Variants in WASHC2C observed in about 807,000 individuals in gnomAD.
WASHC2C encodes Vaccinia Penetration Factor.
A neutral mutation model predicts 142.2 loss-of-function variants in WASHC2C; 73 were observed. The observed-to-expected ratio is 0.51, with a 90% CI of 0.43 to 0.62. The LOEUF (loss-of-function observed/expected upper bound fraction) is 0.62, where lower values mean the gene tolerates loss of function less well. Among genes scored for constraint, WASHC2C ranks in the 20% least tolerant of loss-of-function variants. The pLI is 0.00. For missense variants in WASHC2C, 969 were observed against 1,531.7 expected (o/e 0.63, Z 6.13); for synonymous variants, 337 against 565.5 (o/e 0.60, Z 5.73).
intron 11 of WASHC2C, among the ~76,000 whole-genome samples, 196 bp from the exon 12 acceptor site, chr10:45,752,392 C>G (rs2053713353): frequency 6.6e-6 from 1 of 152,272 alleles, no homozygotes; most frequent in African/African-American, 2.4e-5. Flanking sequence ...GAGTGGAGGC[C>G]CAGAGAGTCT....
At chr10:45,735,308 C>A (rs2051081291) in intron 3 of WASHC2C, among the ~76,000 whole-genome samples, 1 of 150,842 alleles carries the variant, frequency 6.6e-6, no homozygotes, top group African/African-American at 2.4e-5. Flanking sequence ...CGGCTCACTG[C>A]AACCTCTGCC....
chr10:45,739,489 T>C (rs1395486438), intron 4 of WASHC2C, among the ~76,000 whole-genome samples: 2 of 151,862 alleles, frequency 1.3e-5, no homozygotes, highest in African/African-American at 2.4e-5. Flanking sequence ...GTTGGTGATA[T>C]GAACAAACCT....
At chr10:45,736,535 G>A (rs551450154) in intron 3 of WASHC2C, among the ~76,000 whole-genome samples, 38 of 151,762 alleles carry the variant, frequency 2.5e-4, no homozygotes, top group Admixed American at 1.6e-3. Flanking sequence ...GGGAGGTGGC[G>A]GTTGCAGTGA....
chr10:45,784,293 CAT>C (rs1286811903), intron 23 of WASHC2C, among the ~76,000 whole-genome samples: 17 of 63,660 alleles, frequency 2.7e-4, no homozygotes, highest in African/African-American at 3.6e-4. Context: ...TATATATACA[CAT>C]ATATATATAT....
At chr10:45,733,227 A>T (rs1416218492) in intron 3 of WASHC2C, among the ~76,000 whole-genome samples, 1 of 152,212 alleles carries the variant, frequency 6.6e-6, no homozygotes, top group Non-Finnish European at 1.5e-5. Context: ...TATTGATGGG[A>T]TTTGATGAGT....
At position 45,759,033 on chromosome 10, in the gene WASHC2C, G is replaced by A. The variant is rs1316627206; in HGVS notation, c.1549-282G>A. Among the ~76,000 whole-genome samples, 5 of 148,272 alleles carry A rather than the reference G, an allele frequency of 3.4e-5. No homozygotes were observed. In the South Asian group the frequency reaches 6.5e-4, roughly 19 times the overall value. ...CCAGCATTCAGAACCTGTCAGGCCC[G>A]TCAGGCAGCCTGTCTTTCCATGCTG... On this transcript the variant is annotated intron_variant, in intron 16 of 30. Coordinates refer to ENST00000623400, the MANE Select transcript of WASHC2C (RefSeq NM_001330074.2).
chr10:45,789,456 C>G lies in WASHC2C; in HGVS notation c.3673C>G (p.Gln1225Glu). ...GAATGAGACAAAATCCAGTAGTCAG[C>G]AGGATGTCATATTAACAACACAAGA... ...KKNETKSSSQ[Q>E]DVILTTQDIF... Residue 1225 changes from glutamine to glutamate, a missense_variant, in exon 29 of 31, where the codon CAG becomes GAG. Physicochemically the swap from Gln to Glu is conservative, Grantham distance 29. Transcript: ENST00000623400. 9.3e-6 allele frequency: 15 copies of G among 1,612,038 alleles called. No homozygotes were observed. The highest frequency in any genetic ancestry group is 1.3e-5 in the Non-Finnish European group (15 of 1,179,868).
At chr10:45,775,852 G>A (rs2135489227) in intron 21 of WASHC2C, among the ~76,000 whole-genome samples, 1 of 151,786 alleles carries the variant, frequency 6.6e-6, no homozygotes, top group Non-Finnish European at 1.5e-5. Flanking sequence ...CTAATTTTTT[G>A]TATTTCTTTA....
At chr10:45,781,550 A>C (rs2057504876) in intron 23 of WASHC2C, among the ~76,000 whole-genome samples, 2 of 152,240 alleles carry the variant, frequency 1.3e-5, no homozygotes, top group Admixed American at 1.3e-4. Flanking sequence ...CCTCACATTT[A>C]CAGTCAGTTG....
rs1365630263 is a variant in WASHC2C at position 45,789,115 on chromosome 10, T to G, written c.3332T>G (p.Val1111Gly). The change falls in exon 29 of 31, where the codon GTG becomes GGG. Residue 1111 changes from valine to glycine, a missense_variant. Val to Gly is a moderately radical substitution (Grantham distance 109, BLOSUM62 -3). Coordinates refer to ENST00000623400, the MANE Select transcript of WASHC2C (RefSeq NM_001330074.2). Reference sequence around the variant, plus strand: ...TGGGAAGGTGGTCCTGTGCCTGGAGTGGACACAAGCCCCTTTGCAAAGTCT... The same window carrying G: ...TGGGAAGGTGGTCCTGTGCCTGGAGGGGACACAAGCCCCTTTGCAAAGTCT... ...APWEGGPVPG[V>G]DTSPFAKSLG... is the part of the protein sequence containing the mutation. The G allele has an allele frequency of 2.5e-5, 40 of 1,611,858 alleles. No individual in the cohort carries two copies. In the East Asian group the frequency reaches 8.7e-4, roughly 35 times the overall value.
intron 3 of WASHC2C, among the ~76,000 whole-genome samples, chr10:45,736,269 G>T (rs1589589298): frequency 1.4e-5 from 2 of 143,946 alleles, no homozygotes; most frequent in East Asian, 4.3e-4. Flanking sequence ...AGCTGGGCAT[G>T]GTGGCAGGCA....
At position 45,727,310 on chromosome 10, in the gene WASHC2C, C is replaced by A. The variant is rs770769379; in HGVS notation, c.-8C>A. The A allele has an allele frequency of 1.3e-6, 2 of 1,570,948 alleles. No homozygotes were observed. Among genetic ancestry groups the A allele is most frequent in the Non-Finnish European group, 1.7e-6 (2 of 1,159,484 alleles). On this transcript the variant is annotated 5_prime_UTR_variant, in exon 1 of 31. Coordinates refer to ENST00000623400, the MANE Select transcript of WASHC2C (RefSeq NM_001330074.2). ...CAGCCTCGGAGCCCACCGAGCCGGGCGGCTGGGATGGTGAGGGCGGCGGGC... is the reference window on the plus strand; with the variant it reads ...CAGCCTCGGAGCCCACCGAGCCGGGAGGCTGGGATGGTGAGGGCGGCGGGC...
At chr10:45,754,360 T>G in intron 13 of WASHC2C, 126 bp from the exon 14 acceptor site, 2 of 1,548,936 alleles carry the variant, frequency 1.3e-6, no homozygotes, top group Non-Finnish European at 1.7e-6. Flanking sequence ...AATGGCTTGT[T>G]CAGGAAAAAG....
Position 45,790,439 on chromosome 10 carries a change from T to C in WASHC2C, c.3792T>C (p.Asp1264=). 3 of 1,610,996 alleles carry C rather than the reference T, an allele frequency of 1.9e-6. No homozygotes were observed. ...AAACATTGGAATCTAATTTATTTGA[T>C]GATAACATTGATATCTTTGCTGACT... ...KEKTLESNLF[D]DNIDIFADLT... is the part of the protein sequence containing the mutation. The change falls in exon 30 of 31, where the codon GAT becomes GAC. Residue 1264 remains aspartate (D), a synonymous_variant. Coordinates refer to ENST00000623400, the MANE Select transcript of WASHC2C (RefSeq NM_001330074.2).
chr10:45,747,256 TC>T (rs1172363678), intron 8 of WASHC2C, among the ~76,000 whole-genome samples: 21 of 152,134 alleles, frequency 1.4e-4, no homozygotes, highest in African/African-American at 5.1e-4. Context: ...TTCTTCTGCC[TC>T]AGCCTCCCGA....
intron 3 of WASHC2C, among the ~76,000 whole-genome samples, chr10:45,730,148 CAG>C (rs1161993283): frequency 3.0e-5 from 4 of 133,400 alleles, no homozygotes; most frequent in Admixed American, 2.3e-4. Context: ...AGTTCGAGAC[CAG>C]CCTGACCAAC....
intron 4 of WASHC2C, among the ~76,000 whole-genome samples, chr10:45,739,337 G>A (rs1337734908): frequency 6.7e-6 from 1 of 149,526 alleles, no homozygotes; most frequent in Non-Finnish European, 1.5e-5. Flanking sequence ...GTGTGGTTTG[G>A]TTCCTTCTAG....
chr10:45,774,984 A>G (rs1358271322), intron 21 of WASHC2C, among the ~76,000 whole-genome samples: 3 of 126,204 alleles, frequency 2.4e-5, no homozygotes, highest in Admixed American at 8.0e-5. Context: ...CAGGAGAGGG[A>G]TGGTTGATTT....
At chr10:45,736,256 A>G (rs2051226216) in intron 3 of WASHC2C, among the ~76,000 whole-genome samples, 1 of 151,400 alleles carries the variant, frequency 6.6e-6, no homozygotes, top group East Asian at 1.9e-4. Flanking sequence ...TACAAAAAAA[A>G]TTAGCTGGGC....
Sources: allele counts gnomAD v4.1 joint callset (sites outside exome capture counted in the v4.1 genomes callset), GRCh38; gene constraint gnomAD v4.1.1; transcripts MANE v1.5; gene names NCBI Gene and HGNC (gene_info 2026-07-23, HGNC 2026-07-21).